The following NT5E variants were observed in gnomAD, a reference collection of about 807,000 sequenced individuals.
NT5E encodes the protein 5'-nucleotidase ecto.
NT5E carries 53 observed loss-of-function variants against 55.1 expected under a neutral mutation model. The ratio of observed to expected loss-of-function variants is 0.96; its 90% CI spans 0.77 to 1.21. The LOEUF is 1.21. Ranked by LOEUF, NT5E falls within the 50% of genes most tolerant of loss-of-function variation. The pLI is 0.00. For synonymous variants in NT5E, 270 were observed against 278.4 expected, an observed-to-expected ratio of 0.97 and a Z score of 0.30; for missense variants, 683 against 724.3, an observed-to-expected ratio of 0.94 and a Z score of 0.65.
rs750779501 is a variant in NT5E at position 85,471,510 on chromosome 6, T to C, written c.751+85T>C. ...TGCCTTTGTAACTGTTATTACTCTT[T>C]TTACTGCTATTTAATATGTAATGTA... On this transcript the variant is annotated intron_variant, in intron 3 of 8. Transcript: ENST00000257770. The C allele has an allele frequency of 5.1e-6, 5 of 984,346 alleles. No homozygotes were observed. In the East Asian group the frequency reaches 1.3e-4, roughly 25 times the overall value. 61.0% of individuals were successfully genotyped at this position (984,346 alleles called of 1,614,324 possible).
At chr6:85,470,118 A>C (rs1769274145) in intron 2 of NT5E, among the ~76,000 whole-genome samples, 1 of 152,216 alleles carries the variant, frequency 6.6e-6, no homozygotes, top group African/African-American at 2.4e-5. Context: ...AGGACTCCCT[A>C]GTCACAGAGT....
chr6:85,484,261 G>C (rs565019668), intron 3 of NT5E, among the ~76,000 whole-genome samples: 1 of 152,316 alleles, frequency 6.6e-6, no homozygotes, highest in South Asian at 2.1e-4. Context: ...TCTCTAATTT[G>C]AAACAGCTGA....
At chr6:85,471,906 G>A (rs1385741208) in intron 3 of NT5E, among the ~76,000 whole-genome samples, 2 of 152,152 alleles carry the variant, frequency 1.3e-5, no homozygotes, top group Non-Finnish European at 2.9e-5. Flanking sequence ...TAACTCTGCT[G>A]CAGACTAGGA....
At chr6:85,485,010 G>C (rs188438168) in intron 3 of NT5E, among the ~76,000 whole-genome samples, 2,454 of 152,252 alleles carry the variant, frequency 0.016, 29 homozygotes, top group Middle Eastern at 0.027. Flanking sequence ...CTTAGGAAGA[G>C]CTTGGTAAAT....
intron 7 of NT5E, among the ~76,000 whole-genome samples, chr6:85,491,558 T>TA (rs1291162777): frequency 6.6e-6 from 1 of 152,270 alleles, no homozygotes; most frequent in African/African-American, 2.4e-5. Context: ...TGCATAGCTC[T>TA]ATGCCTTGTG....
intron 7 of NT5E, chr6:85,491,174 G>GA: frequency 2.1e-6 from 1 of 478,270 alleles, no homozygotes; most frequent in South Asian, 1.6e-5. Context: ...GGCACAGGGA[G>GA]AAAACCTTTC....
At chr6:85,471,573 A>T in intron 3 of NT5E, 148 bp downstream of exon 3, 2 of 412,410 alleles carry the variant, frequency 4.8e-6, no homozygotes, top group Non-Finnish European at 8.4e-6. Context: ...ATATACATTA[A>T]ATGGGAACAT....
intron 3 of NT5E, among the ~76,000 whole-genome samples, chr6:85,483,043 T>A (rs1421591043): frequency 6.6e-6 from 1 of 152,232 alleles, no homozygotes; most frequent in African/African-American, 2.4e-5. Flanking sequence ...TTTCTGGAGC[T>A]GAGATTGCTG....
chr6:85,464,955 T>C (rs1309517326), intron 1 of NT5E, among the ~76,000 whole-genome samples: 1 of 152,236 alleles, frequency 6.6e-6, no homozygotes, highest in African/African-American at 2.4e-5. Flanking sequence ...TTGAGCCTGG[T>C]AAGCTTGGGA....
chr6:85,470,593 C>T lies in NT5E; in HGVS notation c.563-644C>T, dbSNP rs1769284870. ...AGCCTTCCAAGTACCTGGCATGTGCCTCCACGCCTGAATAATTTTTGTATT... is the reference window on the plus strand; with the variant it reads ...AGCCTTCCAAGTACCTGGCATGTGCTTCCACGCCTGAATAATTTTTGTATT... On this transcript the variant is annotated intron_variant, in intron 2 of 8. Coordinates refer to ENST00000257770, the MANE Select transcript of NT5E (RefSeq NM_002526.4). 6.6e-5 allele frequency among the ~76,000 whole-genome samples: 10 copies of T among 152,144 alleles called. No homozygotes were observed. The South Asian group carries it at 1.9e-3, about 28-fold the overall frequency.
chr6:85,452,787 T>C (rs1243856736), intron 1 of NT5E, among the ~76,000 whole-genome samples: 1 of 152,176 alleles, frequency 6.6e-6, no homozygotes, highest in African/African-American at 2.4e-5. Flanking sequence ...TCAGAGAATT[T>C]ATTGCTGTTG....
intron 3 of NT5E, among the ~76,000 whole-genome samples, chr6:85,476,043 A>G (rs1769428131): frequency 1.3e-5 from 2 of 152,094 alleles, no homozygotes; most frequent in African/African-American, 4.8e-5. Flanking sequence ...ACTCTCATCT[A>G]ATCACCTCCA....
chr6:85,469,667 G>C (rs1937620712), intron 2 of NT5E, among the ~76,000 whole-genome samples: 1 of 152,196 alleles, frequency 6.6e-6, no homozygotes, highest in African/African-American at 2.4e-5. Context: ...ACAGGAAGCA[G>C]ATTGTCCTTG....
intron 3 of NT5E, among the ~76,000 whole-genome samples, chr6:85,477,056 T>C (rs1769453705): frequency 6.6e-6 from 1 of 152,132 alleles, no homozygotes; most frequent in Non-Finnish European, 1.5e-5. Context: ...CTGCCTCCAC[T>C]CTCCAACTCT....
chr6:85,466,920 T>C, intron 1 of NT5E, 140 bp from the exon 2 acceptor site: 2 of 775,144 alleles, frequency 2.6e-6, no homozygotes, highest in East Asian at 2.7e-5. Context: ...ATGATCTGAA[T>C]GTCCCTGGGC....
intron 1 of NT5E, among the ~76,000 whole-genome samples, chr6:85,452,118 T>G (rs1768872154): frequency 6.6e-6 from 1 of 152,248 alleles, no homozygotes; most frequent in Admixed American, 6.5e-5. Flanking sequence ...CCTGATACTT[T>G]GCACTCAGTA....
rs1472537644 is a variant in NT5E at position 85,494,695 on chromosome 6, T to C, written c.*691T>C. ...TGTTATAATAGCAAGTTTAATGGTA[T>C]AAACACAGGATACCATCCTCTCTTG... On this transcript the variant is annotated 3_prime_UTR_variant, in exon 9 of 9. Transcript: ENST00000257770. 1 of 152,592 alleles carries C rather than the reference T, an allele frequency of 6.6e-6. No individual in the cohort carries two copies. The highest frequency in any genetic ancestry group is 1.5e-5 in the Non-Finnish European group (1 of 68,352). 9.5% of individuals were successfully genotyped at this position (152,592 alleles called of 1,614,324 possible).
In NT5E at chr6:85,450,325, T is replaced by G; in HGVS notation, c.186T>G (p.Ala62=). ...VNASRCMGGV[A]RLFTKVQQIR... ...CCAGCCGCTGCATGGGTGGCGTGGC[T>G]CGGCTCTTCACCAAGGTTCAGCAGA... Residue 62 remains alanine, a synonymous_variant, in exon 1 of 9, where the codon GCT becomes GCG. Coordinates refer to ENST00000257770, the MANE Select transcript of NT5E (RefSeq NM_002526.4). The surrounding 1 kb of genome is among the most constrained non-coding windows in gnomAD (Gnocchi z 4.0). The G allele has an allele frequency of 6.2e-7, 1 of 1,600,484 alleles. No homozygotes were observed. Among genetic ancestry groups the G allele is most frequent in the Non-Finnish European group, 8.5e-7 (1 of 1,174,806 alleles).
chr6:85,481,403 C>A (rs1052156545), intron 3 of NT5E, among the ~76,000 whole-genome samples: 1 of 152,138 alleles, frequency 6.6e-6, no homozygotes, highest in Non-Finnish European at 1.5e-5. Flanking sequence ...AACATTAGGG[C>A]CAAGATCAGA....
Sources: gnomAD v4.1 joint callset for allele counts (sites outside exome capture counted in the v4.1 genomes callset) on GRCh38, gnomAD v4.1.1 for gene constraint, Gnocchi (gnomAD v3.1) non-coding constraint, MANE v1.5 for transcripts, NCBI Gene and HGNC (gene_info 2026-07-23, HGNC 2026-07-21) for gene names.